The following ADIPOR2 variants were observed in gnomAD, a reference collection of about 807,000 sequenced individuals.
ADIPOR2 encodes adiponectin receptor 2.
In ADIPOR2, 18 loss-of-function variants were observed where a neutral mutation model predicts 40.9. That is an observed-to-expected ratio of 0.44 (90% CI 0.30 to 0.65). The LOEUF is 0.65. ADIPOR2 is among the 30% of genes least tolerant of loss of function. ADIPOR2 has a pLI of 0.09. For synonymous variants in ADIPOR2, 165 were observed against 166.4 expected, an observed-to-expected ratio of 0.99 and a Z score of 0.06; for missense variants, 283 against 479.2, an observed-to-expected ratio of 0.59 and a Z score of 3.82.
In ADIPOR2 at chr12:1,786,117, G is replaced by A. The variant is rs372771001; in HGVS notation, c.*45G>A. ...ACTATGACCCTAAACCAGGGCCTGC[G>A]GCACTTGCGGGCCTCCCTGCTGGCT... is the stretch of plus-strand genomic sequence containing the variant. On this transcript the variant is annotated 3_prime_UTR_variant, in exon 8 of 8. Transcript: ENST00000357103. The A allele has an allele frequency of 5.7e-6, 9 of 1,587,040 alleles. No individual in the cohort carries two copies. The highest frequency in any genetic ancestry group is 4.5e-5 in the East Asian group (2 of 44,688).
chr12:1,695,816 G>A (rs1025648803), intron 1 of ADIPOR2: 2 of 151,918 alleles, frequency 1.3e-5, no homozygotes, highest in Non-Finnish European at 2.9e-5. Context: ...GGGAATGGAA[G>A]GCTGGCTTGG....
intron 1 of ADIPOR2, among the ~76,000 whole-genome samples, chr12:1,747,715 CT>C (rs1410450062): frequency 6.7e-5 from 10 of 149,346 alleles, no homozygotes; most frequent in Non-Finnish European, 1.3e-4. Context: ...TTTTTTTTTT[CT>C]TTTATTTGAA....
chr12:1,713,992 C>T (rs1302654042), intron 1 of ADIPOR2, among the ~76,000 whole-genome samples: 3 of 152,120 alleles, frequency 2.0e-5, no homozygotes, highest in Non-Finnish European at 4.4e-5. Context: ...TGAGCTGGCG[C>T]TTGCCCCGGG....
rs2094712554 is a variant in ADIPOR2, at chr12:1,728,476, A to T, written c.-86-25782A>T. 3.3e-5 allele frequency among the ~76,000 whole-genome samples: 5 copies of T among 151,342 alleles called. No individual in the cohort carries two copies. In the South Asian group the frequency reaches 8.4e-4, roughly 26 times the overall value. The stretch of plus-strand genomic sequence containing the variant: ...AGTGGCTCACGCCTGTGATCCCAGC[A>T]CTTTGAGAGGCCGAGGTGGGTGGAT... On this transcript the variant is annotated intron_variant, in intron 1 of 7. Transcript: ENST00000357103.
chr12:1,716,779 AT>A (rs1267950221), intron 1 of ADIPOR2, among the ~76,000 whole-genome samples: 1 of 152,054 alleles, frequency 6.6e-6, no homozygotes, highest in Non-Finnish European at 1.5e-5. Flanking sequence ...AACCTTAGCA[AT>A]TTTTCATCCA....
At chr12:1,734,224 C>T (rs1178435503) in intron 1 of ADIPOR2, among the ~76,000 whole-genome samples, 2 of 152,178 alleles carry the variant, frequency 1.3e-5, no homozygotes, top group Non-Finnish European at 2.9e-5. Context: ...TACAGTCCCC[C>T]CAACAGTGTA....
At chr12:1,785,923 C>G in intron 7 of ADIPOR2, 21 bp from the exon 8 acceptor site, 1 of 1,613,394 alleles carries the variant, frequency 6.2e-7, no homozygotes, top group Non-Finnish European at 8.5e-7. Flanking sequence ...CTACCCCCTT[C>G]TCTTCTTTTT....
chr12:1,751,506 A>G (rs757682111), intron 1 of ADIPOR2, among the ~76,000 whole-genome samples: 3 of 151,996 alleles, frequency 2.0e-5, no homozygotes, highest in Non-Finnish European at 4.4e-5. Flanking sequence ...GGAGCTTTTC[A>G]GTTTTTCTTT....
chr12:1,738,317 G>A lies in ADIPOR2; in HGVS notation c.-86-15941G>A, dbSNP rs1269557576. Reference sequence around the variant, plus strand: ...GATCACTTGAATCTGGGAAATTGAGGCTGCAGTATGAGCTGTGATTGCACT... The same window carrying A: ...GATCACTTGAATCTGGGAAATTGAGACTGCAGTATGAGCTGTGATTGCACT... On this transcript the variant is annotated intron_variant, in intron 1 of 7. Coordinates refer to ENST00000357103, the MANE Select transcript of ADIPOR2 (RefSeq NM_024551.3). 2.0e-5 allele frequency among the ~76,000 whole-genome samples: 3 copies of A among 151,162 alleles called. No homozygotes were observed. The East Asian group carries it at 5.8e-4, about 29-fold the overall frequency.
At chr12:1,756,263 G>A (rs1862127860) in intron 2 of ADIPOR2, among the ~76,000 whole-genome samples, 1 of 152,046 alleles carries the variant, frequency 6.6e-6, no homozygotes, top group South Asian at 2.1e-4. Flanking sequence ...TGATTCTCCT[G>A]TCTCAGCCTT....
Position 1,788,635 on chromosome 12 carries a change from T to TG in ADIPOR2, c.*2564dup, listed in dbSNP as rs958599851. The TG allele has an allele frequency of 1.3e-5, 2 of 152,642 alleles. No homozygotes were observed. Among genetic ancestry groups the TG allele is most frequent in the African/African-American group, 2.4e-5 (1 of 41,448 alleles). 9.5% of individuals were successfully genotyped at this position (152,642 alleles called of 1,614,324 possible). ...TCCATTGATGTGGGATTTCCCTACTTGCTGTATTCTCAGTTTCTAATAAAA... is the reference window on the plus strand; with the variant it reads ...TCCATTGATGTGGGATTTCCCTACTTGGCTGTATTCTCAGTTTCTAATAAAA... On this transcript the variant is annotated 3_prime_UTR_variant, in exon 8 of 8. Transcript: ENST00000357103.
chr12:1,780,726 A>G lies in ADIPOR2; in HGVS notation c.650+89A>G, dbSNP rs562879128. The G allele has an allele frequency of 1.3e-5, 19 of 1,414,126 alleles. No individual in the cohort carries two copies. The East Asian group carries it at 3.4e-4, about 25-fold the overall frequency. 87.6% of individuals were successfully genotyped at this position (1,414,126 alleles called of 1,614,324 possible). The stretch of plus-strand genomic sequence containing the variant: ...TTCAGCAGAGTTGGCAGAATTCTTA[A>G]TATCATCTCATGCAAACTTTTTTTT... On this transcript the variant is annotated intron_variant, in intron 5 of 7. Transcript: ENST00000357103.
At chr12:1,695,791 A>G (rs1592565993) in intron 1 of ADIPOR2, 1 of 152,004 alleles carries the variant, frequency 6.6e-6, no homozygotes. Context: ...TTTCAGATTA[A>G]TGACAATTTA....
intron 1 of ADIPOR2, among the ~76,000 whole-genome samples, chr12:1,743,372 C>CAAT (rs1246072020): frequency 6.9e-6 from 1 of 144,720 alleles, no homozygotes; most frequent in Non-Finnish European, 1.5e-5. Context: ...ACTTTGGAGG[C>CAAT]AATAGTTTAA....
intron 1 of ADIPOR2, among the ~76,000 whole-genome samples, chr12:1,699,872 T>C (rs1401120872): frequency 6.6e-6 from 1 of 152,230 alleles, no homozygotes; most frequent in Non-Finnish European, 1.5e-5. Flanking sequence ...TTGAGTTTTC[T>C]GGATTGGAGT....
At chr12:1,735,033 C>G (rs1012877128) in intron 1 of ADIPOR2, among the ~76,000 whole-genome samples, 1 of 152,124 alleles carries the variant, frequency 6.6e-6, no homozygotes, top group Non-Finnish European at 1.5e-5. Flanking sequence ...TAGCGTGATG[C>G]CTCCAGCTTT....
intron 2 of ADIPOR2, chr12:1,757,563 A>G: frequency 2.1e-6 from 2 of 953,478 alleles, no homozygotes; most frequent in South Asian, 2.6e-5. Flanking sequence ...ATTCACCTTG[A>G]TGAGGGAATC....
intron 2 of ADIPOR2, among the ~76,000 whole-genome samples, chr12:1,770,852 A>T (rs1862480267): frequency 6.6e-6 from 1 of 152,238 alleles, no homozygotes; most frequent in Non-Finnish European, 1.5e-5. Flanking sequence ...CAGAAGTCAG[A>T]AGAAGCAATT....
chr12:1,718,234 G>C (rs1463465633), intron 1 of ADIPOR2, among the ~76,000 whole-genome samples: 1 of 151,888 alleles, frequency 6.6e-6, no homozygotes, highest in African/African-American at 2.4e-5. Context: ...GGACTGTGAT[G>C]GTATAAAGTG....
Sources: allele counts gnomAD v4.1 joint callset (sites outside exome capture counted in the v4.1 genomes callset), GRCh38; gene constraint gnomAD v4.1.1; transcripts MANE v1.5; gene names NCBI Gene and HGNC (gene_info 2026-07-23, HGNC 2026-07-21).